The following ANGPT4 variants were observed in gnomAD, a reference collection of about 807,000 sequenced individuals.
The protein encoded by ANGPT4 is angiopoietin-4.
ANGPT4 carries 50 observed loss-of-function variants against 53.0 expected under a neutral mutation model. The ratio of observed to expected loss-of-function variants is 0.94; its 90% confidence interval spans 0.75 to 1.20. ANGPT4 has a LOEUF of 1.20. Ranked by LOEUF, ANGPT4 falls within the 50% of genes most tolerant of loss-of-function variation. ANGPT4 has a pLI of 0.00. For synonymous variants in ANGPT4, 251 were observed against 259.7 expected (o/e 0.97, Z 0.32); for missense variants, 648 against 637.1 (o/e 1.02, Z -0.18).
intron 2 of ANGPT4, 81 bp from the exon 3 acceptor site, chr20:888,520 C>T: frequency 6.5e-7 from 1 of 1,529,680 alleles, no homozygotes; most frequent in South Asian, 1.3e-5. Context: ...GCCCACAGGC[C>T]CTGCCACTCC....
At chr20:874,525 GTGTT>G in intron 7 of ANGPT4, 111 bp from the exon 8 acceptor site, 1 of 1,461,724 alleles carries the variant, frequency 6.8e-7, no homozygotes, top group Non-Finnish European at 9.2e-7. Flanking sequence ...TCCCCTCCAG[GTGTT>G]CTTGGAGGGA....
chr20:902,387 A>G lies in ANGPT4; in HGVS notation c.310-12019T>C, dbSNP rs532433843. On this transcript the variant is annotated intron_variant, in intron 1 of 8. Transcript: ENST00000381922. ...TCCCACTAGTCTCTAACTGATATTA[A>G]CTTTTCCTGTGGTAGTGAGTATATG... Among the ~76,000 whole-genome samples the G allele has an allele frequency of 2.6e-5, 4 of 152,240 alleles. No homozygotes were observed. The East Asian group carries it at 7.7e-4, about 29-fold the overall frequency.
rs1427522110 is a variant in ANGPT4, at chr20:892,259, A to T, written c.310-1891T>A. Among the ~76,000 whole-genome samples, 6 of 152,144 alleles carry T rather than the reference A, an allele frequency of 3.9e-5. No homozygotes were observed. The East Asian group carries it at 1.2e-3, about 29-fold the overall frequency. On this transcript the variant is annotated intron_variant, in intron 1 of 8. Transcript: ENST00000381922. ...CCTCACTTAAAAAACAACAACAACA[A>T]CATAACGTTAATAATAAAATGATGT... is the stretch of plus-strand genomic sequence containing the variant.
At chr20:909,443 T>C (rs965576683) in intron 1 of ANGPT4, among the ~76,000 whole-genome samples, 1 of 152,196 alleles carries the variant, frequency 6.6e-6, no homozygotes, top group South Asian at 2.1e-4. Flanking sequence ...GTCTTTCTCA[T>C]AGTTACACAG....
At chr20:874,782 G>A (rs530709240) in intron 7 of ANGPT4, among the ~76,000 whole-genome samples, 13 of 152,220 alleles carry the variant, frequency 8.5e-5, no homozygotes, top group African/African-American at 2.2e-4. Context: ...GCACAATCAC[G>A]GCTCATTACA....
chr20:900,875 C>G (rs1055741111), intron 1 of ANGPT4, among the ~76,000 whole-genome samples: 9 of 151,668 alleles, frequency 5.9e-5, no homozygotes. Context: ...CCTTTAATAC[C>G]TGTTTTTCTC....
intron 1 of ANGPT4, among the ~76,000 whole-genome samples, chr20:898,831 A>G (rs901843634): frequency 6.6e-6 from 1 of 152,230 alleles, no homozygotes; most frequent in African/African-American, 2.4e-5. Context: ...AGTGCTGGAA[A>G]TCTGGCCACT....
chr20:876,817 A>C (rs1245755751), intron 7 of ANGPT4, among the ~76,000 whole-genome samples: 1 of 152,174 alleles, frequency 6.6e-6, no homozygotes, highest in Non-Finnish European at 1.5e-5. Flanking sequence ...TTGCATTATC[A>C]GGTTGGTATG....
rs111674845 is a variant in ANGPT4 at position 880,587 on chromosome 20, CA to C, written c.951+583del. On this transcript the variant is annotated intron_variant, in intron 5 of 8. Transcript: ENST00000381922. ...TGGGCACCAGAGCAAGACCCTGTCT[CA>C]AAAAAAAAAAGGGAATTATGAAGTA... is the stretch of plus-strand genomic sequence containing the variant. 7.1e-4 allele frequency among the ~76,000 whole-genome samples: 102 copies of C among 143,380 alleles called. 1 individual carries two copies. Among genetic ancestry groups the C allele is most frequent in the South Asian group, 1.5e-3 (7 of 4,526 alleles). 94.1% of individuals were successfully genotyped at this position (143,380 alleles called of 152,430 possible). A position where few individuals can be genotyped will look rare whatever the true frequency, so the allele number is the denominator to read the frequency against.
chr20:890,709 G>A (rs1981810055), intron 1 of ANGPT4, among the ~76,000 whole-genome samples: 1 of 152,164 alleles, frequency 6.6e-6, no homozygotes, highest in South Asian at 2.1e-4. Flanking sequence ...CTCACGCAGA[G>A]GAAAAGCCAT....
intron 7 of ANGPT4, 69 bp downstream of exon 7, chr20:878,092 C>T: frequency 6.6e-7 from 1 of 1,509,410 alleles, no homozygotes; most frequent in African/African-American, 1.4e-5. Flanking sequence ...TAGACACTAG[C>T]CTGGGGACCC....
At chr20:892,441 C>G (rs1158100694) in intron 1 of ANGPT4, among the ~76,000 whole-genome samples, 1 of 151,844 alleles carries the variant, frequency 6.6e-6, no homozygotes, top group Non-Finnish European at 1.5e-5. Context: ...ACTAAAAATA[C>G]AAAAATTAGC....
At chr20:891,492 A>G (rs73892518) in intron 1 of ANGPT4, among the ~76,000 whole-genome samples, 6,313 of 152,284 alleles carry the variant, frequency 0.041, 474 homozygotes, top group African/African-American at 0.14. Context: ...CGGTGCCTGC[A>G]GGCAGAGAGC....
chr20:878,320 C>G lies in ANGPT4; in HGVS notation c.1061G>C (p.Gly354Ala), dbSNP rs200458141. Reference protein sequence around the residue: ...RNWKDYKQGFGDPAGEHWLGN... With the variant: ...RNWKDYKQGFADPAGEHWLGN... ...CAGCCAGTGCTCCCCAGCTGGGTCTCCGAAGCCCTATAGGGAGGGGAGCGT... is the reference window on the plus strand; with the variant it reads ...CAGCCAGTGCTCCCCAGCTGGGTCTGCGAAGCCCTATAGGGAGGGGAGCGT... Residue 354 changes from glycine (G) to alanine (A), a missense_variant, in exon 7 of 9, where the codon GGA becomes GCA. By Grantham distance (60) the Gly-to-Ala change is moderately conservative. Transcript: ENST00000381922. The G allele has an allele frequency of 9.2e-5, 148 of 1,604,710 alleles. 1 individual carries two copies. Among genetic ancestry groups the G allele is most frequent in the Non-Finnish European group, 1.2e-4 (138 of 1,172,498 alleles).
In ANGPT4 at chr20:870,650, G is replaced by C. The variant is rs1980904826; in HGVS notation, c.*2310C>G. On this transcript the variant is annotated 3_prime_UTR_variant, in exon 9 of 9. Coordinates refer to ENST00000381922, the MANE Select transcript of ANGPT4 (RefSeq NM_015985.4). The stretch of plus-strand genomic sequence containing the variant: ...CCTTCAACCCACCCAGAGGAGTTCT[G>C]TCCCTGGGCCTCACAGCTTTGCCCT... 6.6e-6 allele frequency: 1 copy of C among 152,238 alleles called. No individual in the cohort carries two copies. The highest frequency in any genetic ancestry group is 2.4e-5 in the African/African-American group (1 of 41,452). 9.4% of individuals were successfully genotyped at this position (152,238 alleles called of 1,614,324 possible).
rs999939927 is a variant in ANGPT4, at chr20:911,691, C to T, written c.309+4215G>A. Among the ~76,000 whole-genome samples the T allele has an allele frequency of 3.3e-5, 5 of 151,938 alleles. No individual in the cohort carries two copies. In the East Asian group the frequency reaches 5.8e-4, roughly 18 times the overall value. ...CAGGCTGACCACAGTGGCTCGTGTC[C>T]GCCGTCCCAGCTACTTGGAAGACTG... On this transcript the variant is annotated intron_variant, in intron 1 of 8. Transcript: ENST00000381922. This position sits in a 1 kb window ranked among gnomAD's most constrained non-coding sequence, Gnocchi z 4.9.
intron 1 of ANGPT4, 86 bp downstream of exon 1, chr20:915,819 AG>A: frequency 6.9e-7 from 1 of 1,440,140 alleles, no homozygotes; most frequent in Non-Finnish European, 9.4e-7. Context: ...TGCTCAGGGA[AG>A]GCCTCTTGGA....
At position 911,455 on chromosome 20, in the gene ANGPT4, C is replaced by T. The variant is rs1296626287; in HGVS notation, c.309+4451G>A. Reference sequence around the variant, plus strand: ...GTGCCCTGGGTCTTCAGTGTGGACACTCGGGGAGGTAGAGGTGGGAGGGAT... The same window carrying T: ...GTGCCCTGGGTCTTCAGTGTGGACATTCGGGGAGGTAGAGGTGGGAGGGAT... On this transcript the variant is annotated intron_variant, in intron 1 of 8. Coordinates refer to ENST00000381922, the MANE Select transcript of ANGPT4 (RefSeq NM_015985.4). The surrounding 1 kb of genome is among the most constrained non-coding windows in gnomAD (Gnocchi z 4.9). Among the ~76,000 whole-genome samples, 1 of 152,104 alleles carries T rather than the reference C, an allele frequency of 6.6e-6. No homozygotes were observed. The highest frequency in any genetic ancestry group is 2.4e-5 in the African/African-American group (1 of 41,404).
chr20:894,945 G>A (rs1328303207), intron 1 of ANGPT4, among the ~76,000 whole-genome samples: 1 of 152,148 alleles, frequency 6.6e-6, no homozygotes, highest in Non-Finnish European at 1.5e-5. Context: ...GCAAGTGGCT[G>A]GGCAGGGCAA....
Sources: allele counts gnomAD v4.1 joint callset (sites outside exome capture counted in the v4.1 genomes callset), GRCh38; gene constraint gnomAD v4.1.1; non-coding constraint Gnocchi (gnomAD v3.1); transcripts MANE v1.5; gene names NCBI Gene and HGNC (gene_info 2026-07-23, HGNC 2026-07-21).